The following JHY variants were observed in gnomAD, a reference collection of about 807,000 sequenced individuals.
The protein encoded by JHY is jhy protein homolog.
Under a neutral mutation model 78.0 loss-of-function variants are expected in JHY, and 69 were observed. The observed-to-expected ratio is 0.88, with a 90% CI of 0.73 to 1.08. The LOEUF (loss-of-function observed/expected upper bound fraction) is 1.08, where lower values mean the gene tolerates loss of function less well. JHY is among the 50% of genes least tolerant of loss of function. The pLI is 0.00. For synonymous variants in JHY, 368 were observed against 342.6 expected (o/e 1.07, Z -0.82); for missense variants, 944 against 927.8 (o/e 1.02, Z -0.23).
chr11:122,907,700 C>T (rs1449553859), intron 3 of JHY, among the ~76,000 whole-genome samples: 1 of 151,908 alleles, frequency 6.6e-6, no homozygotes, highest in Non-Finnish European at 1.5e-5. Context: ...CGAAATTAGC[C>T]TGGCATGGTG....
chr11:122,918,356 G>A (rs1863278370), intron 3 of JHY, among the ~76,000 whole-genome samples: 1 of 139,106 alleles, frequency 7.2e-6, no homozygotes, highest in Admixed American at 7.4e-5. Context: ...TGCATGATAA[G>A]TTTTATATTT....
chr11:122,960,141 CA>C lies in JHY; in HGVS notation c.*698del, dbSNP rs1447327235. ...TCCAGGTACTCAGGAGGCTGAGGCA[CA>C]AGAATTGCTTGAACCCGGGAGGCAG... On this transcript the variant is annotated 3_prime_UTR_variant, in exon 9 of 9. Transcript: ENST00000227349. 1.3e-5 allele frequency among the ~76,000 whole-genome samples: 2 copies of C among 151,944 alleles called. No individual in the cohort carries two copies. The highest frequency in any genetic ancestry group is 2.9e-5 in the Non-Finnish European group (2 of 67,986).
rs186399576 is a variant in JHY at position 122,934,181 on chromosome 11, C to T, written c.979-239C>T. On this transcript the variant is annotated intron_variant, in intron 4 of 8. Coordinates refer to ENST00000227349, the MANE Select transcript of JHY (RefSeq NM_024806.4). The stretch of plus-strand genomic sequence containing the variant: ...GTCACCTTCCTAGAAGTCTCAACCC[C>T]CAATTTGGAAAACACTAATTTAAAA... Among the ~76,000 whole-genome samples, 230 of 152,102 alleles carry T rather than the reference C, an allele frequency of 1.5e-3. 1 individual carries two copies. The highest frequency in any genetic ancestry group is 5.3e-3 in the African/African-American group (220 of 41,484).
Position 122,959,818 on chromosome 11 carries a change from C to G in JHY, c.*373C>G, listed in dbSNP as rs902850161. 1 of 168,500 alleles carries G rather than the reference C, an allele frequency of 5.9e-6. No homozygotes were observed. Among genetic ancestry groups the G allele is most frequent in the Admixed American group, 6.1e-5 (1 of 16,402 alleles). The allele number at this position is 168,500 out of a possible 1,614,324, so 10.4% of individuals were successfully genotyped here. A position where few individuals can be genotyped will look rare whatever the true frequency, so the allele number is the denominator to read the frequency against. ...GTAGCTGTGTTTCTCTCTTACCTTC[C>G]TAGTAAGAAAAACAAGTATAAACAT... On this transcript the variant is annotated 3_prime_UTR_variant, in exon 9 of 9. Transcript: ENST00000227349.
At chr11:122,915,495 G>A (rs1386561953) in intron 3 of JHY, among the ~76,000 whole-genome samples, 1 of 152,136 alleles carries the variant, frequency 6.6e-6, no homozygotes, top group Non-Finnish European at 1.5e-5. Context: ...ATGAAAAAGG[G>A]TATTTTTTTT....
At chr11:122,957,715 C>T (rs771509656) in intron 8 of JHY, among the ~76,000 whole-genome samples, 67 of 151,390 alleles carry the variant, frequency 4.4e-4, no homozygotes, top group Admixed American at 1.4e-3. Flanking sequence ...AAAAAACCTT[C>T]CCATTTTTTT....
chr11:122,946,025 C>A (rs937037277), intron 5 of JHY, among the ~76,000 whole-genome samples: 1 of 152,148 alleles, frequency 6.6e-6, no homozygotes, highest in South Asian at 2.1e-4. Flanking sequence ...CCTATACCAG[C>A]GTTAACTATT....
chr11:122,925,076 G>A, intron 4 of JHY, 66 bp downstream of exon 4: 1 of 1,214,820 alleles, frequency 8.2e-7, no homozygotes, highest in South Asian at 1.3e-5. Context: ...TAATGATCGT[G>A]ACTGAGTTCT....
chr11:122,895,681 A>G (rs1156480215), intron 2 of JHY, among the ~76,000 whole-genome samples: 4 of 152,202 alleles, frequency 2.6e-5, no homozygotes, highest in Non-Finnish European at 5.9e-5. Context: ...GAACAGTAAC[A>G]AAAGAGTTGT....
chr11:122,889,204 C>G (rs1410725011), intron 2 of JHY, among the ~76,000 whole-genome samples: 1 of 152,170 alleles, frequency 6.6e-6, no homozygotes, highest in African/African-American at 2.4e-5. Flanking sequence ...GCTCGAGAAT[C>G]TTTTTACATG....
intron 2 of JHY, among the ~76,000 whole-genome samples, chr11:122,888,478 TG>T (rs1862542537): frequency 6.6e-6 from 1 of 152,088 alleles, no homozygotes; most frequent in Non-Finnish European, 1.5e-5. Flanking sequence ...CTAACAGAGA[TG>T]AAGAAACTCG....
At chr11:122,939,852 A>G (rs1446094269) in intron 5 of JHY, among the ~76,000 whole-genome samples, 2 of 151,814 alleles carry the variant, frequency 1.3e-5, no homozygotes, top group African/African-American at 4.8e-5. Flanking sequence ...TGTCTTATAC[A>G]ACAATCACAC....
In JHY at chr11:122,904,284, A is replaced by C; in HGVS notation, c.704A>C (p.His235Pro). Reference sequence around the variant, plus strand: ...CCGTACGTGAAGAGCTCAAGTTCACATAACGAGGTTTTCCTGCCGGGATCA... The same window carrying C: ...CCGTACGTGAAGAGCTCAAGTTCACCTAACGAGGTTTTCCTGCCGGGATCA... ...LSPYVKSSSS[H>P]NEVFLPGSRG... The change falls in exon 3 of 9, where the codon CAT becomes CCT. Residue 235 changes from histidine (H) to proline (P), a missense_variant. By Grantham distance (77) the His-to-Pro change is moderately conservative. Coordinates refer to ENST00000227349, the MANE Select transcript of JHY (RefSeq NM_024806.4). The C allele has an allele frequency of 6.2e-7, 1 of 1,614,196 alleles. No individual in the cohort carries two copies. Among genetic ancestry groups the C allele is most frequent in the Non-Finnish European group, 8.5e-7 (1 of 1,180,034 alleles).
At chr11:122,923,207 G>A (rs921533087) in intron 3 of JHY, among the ~76,000 whole-genome samples, 2 of 152,184 alleles carry the variant, frequency 1.3e-5, no homozygotes, top group Non-Finnish European at 2.9e-5. Flanking sequence ...GAGGGCAGAG[G>A]GATAGAAAAT....
intron 3 of JHY, chr11:122,905,277 CT>C: frequency 6.2e-7 from 1 of 1,613,134 alleles, no homozygotes. Flanking sequence ...TCCTGCCCAC[CT>C]CCTATGGACA....
chr11:122,938,716 A>G (rs1863808613), intron 5 of JHY, among the ~76,000 whole-genome samples: 1 of 151,876 alleles, frequency 6.6e-6, no homozygotes, highest in African/African-American at 2.4e-5. Context: ...GGGACTAGAA[A>G]GCTTATTGGA....
intron 2 of JHY, among the ~76,000 whole-genome samples, chr11:122,886,565 G>T (rs1023344085): frequency 6.6e-6 from 1 of 152,030 alleles, no homozygotes; most frequent in Non-Finnish European, 1.5e-5. Flanking sequence ...GTATAATCTG[G>T]AATAAATCAC....
rs769036187 is a variant in JHY, at chr11:122,903,958, C to G, written c.378C>G (p.Leu126=). Residue 126 remains leucine (L), a synonymous_variant, in exon 3 of 9, where the codon CTC becomes CTG. Coordinates refer to ENST00000227349, the MANE Select transcript of JHY (RefSeq NM_024806.4). The stretch of plus-strand genomic sequence containing the variant: ...CAATAGAAGACAAATATTCAGACCT[C>G]CGCTATGACCCGAACTGGAAGAGTA... ...QQPIEDKYSD[L]RYDPNWKSKK... is the part of the protein sequence containing the mutation. The G allele has an allele frequency of 1.2e-6, 2 of 1,607,932 alleles. No homozygotes were observed. Among genetic ancestry groups the G allele is most frequent in the East Asian group, 4.5e-5 (2 of 44,740 alleles).
chr11:122,941,313 G>A (rs999594178), intron 5 of JHY, among the ~76,000 whole-genome samples: 1 of 152,098 alleles, frequency 6.6e-6, no homozygotes, highest in Non-Finnish European at 1.5e-5. Context: ...GTATACTAGT[G>A]GGGTCACACA....
Sources: gnomAD v4.1 joint callset for allele counts (sites outside exome capture counted in the v4.1 genomes callset) on GRCh38, gnomAD v4.1.1 for gene constraint, MANE v1.5 for transcripts, NCBI Gene and HGNC (gene_info 2026-07-23, HGNC 2026-07-21) for gene names.